Variants in THRAP3 observed in about 807,000 individuals in gnomAD.
The protein encoded by THRAP3 is thyroid hormone receptor-associated protein 3.
A neutral mutation model predicts 101.0 loss-of-function variants in THRAP3; 16 were observed. The observed-to-expected ratio is 0.16, with a 90% CI of 0.11 to 0.24. THRAP3 has a LOEUF of 0.24. Ranked by LOEUF, THRAP3 falls within the 10% of genes least tolerant of loss-of-function variation. The pLI is 1.00. For synonymous variants in THRAP3, 407 were observed against 422.6 expected (o/e 0.96, Z 0.45); for missense variants, 989 against 1,202.7 (o/e 0.82, Z 2.63).
At position 36,279,906 on chromosome 1, in the gene THRAP3, G is replaced by T. The variant is rs141769950; in HGVS notation, c.-31-2627G>T. On this transcript the variant is annotated intron_variant, in intron 2 of 11. Transcript: ENST00000354618. Reference sequence around the variant, plus strand: ...TAAACTTGGTAAGGGTGGACACTTGGCATTCATTGGTTCCATAAGTTCGTT... The same window carrying T: ...TAAACTTGGTAAGGGTGGACACTTGTCATTCATTGGTTCCATAAGTTCGTT... Among the ~76,000 whole-genome samples, 113 of 152,270 alleles carry T rather than the reference G, an allele frequency of 7.4e-4. 2 individuals are homozygous for T. In the East Asian group the frequency reaches 0.013, roughly 18 times the overall value.
At chr1:36,248,562 T>G (rs1005580341) in intron 1 of THRAP3, among the ~76,000 whole-genome samples, 2 of 151,024 alleles carry the variant, frequency 1.3e-5, no homozygotes, top group East Asian at 3.9e-4. Flanking sequence ...ATTCTCAGCC[T>G]CCCGAGTAGC....
chr1:36,301,290 T>C (rs1646027675), intron 10 of THRAP3, among the ~76,000 whole-genome samples: 1 of 152,256 alleles, frequency 6.6e-6, no homozygotes, highest in African/African-American at 2.4e-5. Flanking sequence ...GAAAGCCTCT[T>C]ATGGCTTCTG....
chr1:36,292,264 C>CTTTTTTTTTTTTTTTTT (rs774003081), intron 6 of THRAP3, among the ~76,000 whole-genome samples: 4 of 20,564 alleles, frequency 1.9e-4, no homozygotes, highest in African/African-American at 4.2e-4. Flanking sequence ...TTCTTTGTTT[C>CTTTTTTTTTTTTTTTTT]TTTTTTTTTT....
chr1:36,255,025 GCA>G (rs1019222640), intron 1 of THRAP3, among the ~76,000 whole-genome samples: 6 of 152,208 alleles, frequency 3.9e-5, no homozygotes, highest in African/African-American at 1.2e-4. Context: ...AGCAGACATT[GCA>G]CAGTTTTCTG....
intron 11 of THRAP3, among the ~76,000 whole-genome samples, chr1:36,302,878 T>G (rs1368511762): frequency 6.6e-6 from 1 of 152,168 alleles, no homozygotes; most frequent in Non-Finnish European, 1.5e-5. Flanking sequence ...GTAGGTTAAG[T>G]GTTTTTCCTA....
chr1:36,225,168 A>G (rs1229194999), intron 1 of THRAP3: 1 of 152,228 alleles, frequency 6.6e-6, no homozygotes, highest in Non-Finnish European at 1.5e-5. Flanking sequence ...GACTTTACAA[A>G]TCTTAGGGGT....
chr1:36,274,926 C>T (rs545449514), intron 2 of THRAP3, among the ~76,000 whole-genome samples: 86 of 150,410 alleles, frequency 5.7e-4, no homozygotes, highest in African/African-American at 2.0e-3. Flanking sequence ...CCACTGTGCC[C>T]GGCCAATTAA....
the THRAP3 span, among the ~76,000 whole-genome samples, chr1:36,211,925 G>T: frequency 2.0e-5 from 3 of 152,224 alleles, no homozygotes; most frequent in South Asian, 6.2e-4. Context: ...AGAGCCTCTT[G>T]TACACAAGAG....
chr1:36,262,221 C>T (rs1645455665), intron 2 of THRAP3, among the ~76,000 whole-genome samples: 1 of 152,112 alleles, frequency 6.6e-6, no homozygotes, highest in African/African-American at 2.4e-5. Flanking sequence ...TTAGAAATCC[C>T]ATGTTTATTT....
At chr1:36,248,401 TA>T (rs767849020) in intron 1 of THRAP3, among the ~76,000 whole-genome samples, 2 of 150,830 alleles carry the variant, frequency 1.3e-5, no homozygotes, top group Non-Finnish European at 2.9e-5. Flanking sequence ...TTGGCCTTCC[TA>T]AGTGTTGGAT....
chr1:36,246,677 C>T (rs1557815091), intron 1 of THRAP3, among the ~76,000 whole-genome samples: 1 of 151,864 alleles, frequency 6.6e-6, no homozygotes, highest in African/African-American at 2.4e-5. Context: ...CCTGTCTCTA[C>T]TAAAAATACA....
intron 2 of THRAP3, among the ~76,000 whole-genome samples, chr1:36,277,135 A>AT (rs1201050220): frequency 1.7e-4 from 25 of 149,202 alleles, no homozygotes; most frequent in Non-Finnish European, 3.1e-4. Context: ...CGCCTGGCTA[A>AT]TTTTTGTATT....
At chr1:36,254,926 T>C (rs1645353504) in intron 1 of THRAP3, among the ~76,000 whole-genome samples, 1 of 152,192 alleles carries the variant, frequency 6.6e-6, no homozygotes, top group Non-Finnish European at 1.5e-5. Flanking sequence ...TATTTGGAAG[T>C]GATCTGTTTT....
At chr1:36,224,305 G>A (rs1395732075), upstream of THRAP3, 1 of 152,298 alleles carries the variant, frequency 6.6e-6, no homozygotes, top group East Asian at 1.9e-4. Flanking sequence ...CGCTCGCCTT[G>A]TCTTTTGGGA....
At chr1:36,299,991 G>C (rs1646011901) in intron 9 of THRAP3, among the ~76,000 whole-genome samples, 1 of 152,156 alleles carries the variant, frequency 6.6e-6, no homozygotes, top group Non-Finnish European at 1.5e-5. Context: ...GAAGGACAAT[G>C]ATAGGTTACT....
the THRAP3 span, among the ~76,000 whole-genome samples, chr1:36,208,651 GT>G: frequency 6.6e-6 from 1 of 152,090 alleles, no homozygotes; most frequent in Non-Finnish European, 1.5e-5. Context: ...GCATGTCCAT[GT>G]AACCAACATA....
intron 1 of THRAP3, among the ~76,000 whole-genome samples, chr1:36,237,865 A>G (rs1238659251): frequency 6.6e-6 from 1 of 152,180 alleles, no homozygotes; most frequent in African/African-American, 2.4e-5. Flanking sequence ...TTTGTCACCC[A>G]GGCCTCAGTA....
At chr1:36,217,081 G>A in the THRAP3 span, among the ~76,000 whole-genome samples, 1 of 152,130 alleles carries the variant, frequency 6.6e-6, no homozygotes, top group Admixed American at 6.6e-5. Context: ...CCCATGGTAT[G>A]TGCCCACCAA....
intron 3 of THRAP3, among the ~76,000 whole-genome samples, chr1:36,284,908 A>T (rs903991090): frequency 2.0e-5 from 3 of 152,212 alleles, no homozygotes; most frequent in Admixed American, 6.5e-5. Context: ...ACTGTTTTCA[A>T]ATGAAAAGTG....
Sources: allele counts gnomAD v4.1 joint callset (sites outside exome capture counted in the v4.1 genomes callset), GRCh38; gene constraint gnomAD v4.1.1; transcripts MANE v1.5; gene names NCBI Gene and HGNC (gene_info 2026-07-23, HGNC 2026-07-21).